SLC8A1: variants seen among roughly 807,000 people sequenced by gnomAD.
SLC8A1 encodes the protein sodium/calcium exchanger 1.
SLC8A1 carries 18 observed loss-of-function variants against 68.3 expected under a neutral mutation model. That is an observed-to-expected ratio of 0.26 (90% CI 0.18 to 0.39). The LOEUF (loss-of-function observed/expected upper bound fraction) is 0.39. SLC8A1 is among the 10% of genes least tolerant of loss of function. SLC8A1 has a pLI of 1.00. For missense variants in SLC8A1, 985 were observed against 1,156.7 expected, an observed-to-expected ratio of 0.85 and a Z score of 2.15; for synonymous variants, 475 against 415.5, an observed-to-expected ratio of 1.14 and a Z score of -1.74.
At chr2:40,284,256 T>C (rs1159798488) in intron 2 of SLC8A1, among the ~76,000 whole-genome samples, 2 of 150,206 alleles carry the variant, frequency 1.3e-5, no homozygotes, top group African/African-American at 4.9e-5. Context: ...TATTTCTCTC[T>C]ATATATAAAT....
chr2:40,204,986 A>T (rs183117172), intron 2 of SLC8A1, among the ~76,000 whole-genome samples: 2 of 152,082 alleles, frequency 1.3e-5, no homozygotes, highest in African/African-American at 4.8e-5. Flanking sequence ...GTTCACACTC[A>T]TAATCTATTT....
At chr2:40,439,086 G>C (rs1327739160) in intron 1 of SLC8A1, among the ~76,000 whole-genome samples, 1 of 152,082 alleles carries the variant, frequency 6.6e-6, no homozygotes, top group South Asian at 2.1e-4. Context: ...TAGTGAATAT[G>C]TGTCCAGGAG....
intron 1 of SLC8A1, among the ~76,000 whole-genome samples, chr2:40,467,605 A>G (rs1703767255): frequency 6.6e-6 from 1 of 152,164 alleles, no homozygotes; most frequent in Non-Finnish European, 1.5e-5. Context: ...TTTCTTAATT[A>G]AAGGTCATAT....
At chr2:40,279,304 A>C (rs2067188582) in intron 2 of SLC8A1, among the ~76,000 whole-genome samples, 1 of 152,222 alleles carries the variant, frequency 6.6e-6, no homozygotes, top group Admixed American at 6.5e-5. Flanking sequence ...TCAAGCAGGC[A>C]CAGGGCACTT....
intron 1 of SLC8A1, among the ~76,000 whole-genome samples, chr2:40,495,668 T>A (rs1705649464): frequency 6.6e-6 from 1 of 152,016 alleles, no homozygotes; most frequent in Admixed American, 6.6e-5. Flanking sequence ...AAGAGGTCAT[T>A]CCAGTGGTTA....
rs1471734455 is a variant in SLC8A1 at position 40,247,432 on chromosome 2, ATATG to A, written c.1809-69581_1809-69578del. Among the ~76,000 whole-genome samples, 13 of 73,050 alleles carry A rather than the reference ATATG, an allele frequency of 1.8e-4. No homozygotes were observed. In the South Asian group the frequency reaches 1.8e-3, roughly 10 times the overall value. The allele number at this position is 73,050 out of a possible 152,430, so 47.9% of individuals were successfully genotyped here. A position where few individuals can be genotyped will look rare whatever the true frequency, so the allele number is the denominator to read the frequency against. ...AAAGCAACTTTAGAAAACAGCATAT[ATATG>A]TGTGTGTGTGTGTGTGTGTGGAGAG... On this transcript the variant is annotated intron_variant, in intron 2 of 7. Coordinates refer to ENST00000406785, the Ensembl canonical transcript of SLC8A1.
chr2:40,321,767 C>T (rs1407120091), intron 2 of SLC8A1, among the ~76,000 whole-genome samples: 1 of 152,062 alleles, frequency 6.6e-6, no homozygotes, highest in African/African-American at 2.4e-5. Context: ...CACTGAGTCC[C>T]TCCCATGACA....
rs377398630 is a variant in SLC8A1, at chr2:40,429,065, C to G, written c.1216G>C (p.Val406Leu). ...CCTTGTTCAAAGAAGATCTTACTAACAGGGTCATTTTCAGTCACTTCAGTG... is the reference window on the plus strand; with the variant it reads ...CCTTGTTCAAAGAAGATCTTACTAAGAGGGTCATTTTCAGTCACTTCAGTG... Residue 406 changes from valine (V) to leucine (L), a missense_variant, in exon 2 of 8, where the codon GTT becomes CTT. Transcript: ENST00000406785. 6.2e-7 allele frequency: 1 copy of G among 1,611,980 alleles called. No homozygotes were observed. The highest frequency in any genetic ancestry group is 8.5e-7 in the Non-Finnish European group (1 of 1,178,264).
chr2:40,322,648 C>T (rs561161615), intron 2 of SLC8A1, among the ~76,000 whole-genome samples: 1 of 151,850 alleles, frequency 6.6e-6, no homozygotes, highest in African/African-American at 2.4e-5. Context: ...TGCATTTCAG[C>T]CTGGGTGACA....
chr2:40,484,589 G>A (rs1039192171), intron 1 of SLC8A1, among the ~76,000 whole-genome samples: 2 of 152,190 alleles, frequency 1.3e-5, no homozygotes, highest in African/African-American at 4.8e-5. Context: ...TGAAATTTGA[G>A]AGGCTGAAAT....
At chr2:40,230,535 C>T (rs539548728) in intron 2 of SLC8A1, among the ~76,000 whole-genome samples, 1 of 152,152 alleles carries the variant, frequency 6.6e-6, no homozygotes, top group South Asian at 2.1e-4. Context: ...CATTCTACAT[C>T]AACTCTTAAT....
intron 2 of SLC8A1, among the ~76,000 whole-genome samples, chr2:40,285,519 C>T (rs1447325163): frequency 6.6e-6 from 1 of 152,122 alleles, no homozygotes; most frequent in Admixed American, 6.6e-5. Context: ...ATCTATGTCA[C>T]CCCACAAATG....
chr2:40,343,613 A>G (rs983989614), intron 2 of SLC8A1, among the ~76,000 whole-genome samples: 7 of 152,198 alleles, frequency 4.6e-5, no homozygotes, highest in Admixed American at 2.0e-4. Context: ...GTGCCATACA[A>G]AATTGTTCCT....
chr2:40,322,107 A>G (rs1429073981), intron 2 of SLC8A1, among the ~76,000 whole-genome samples: 1 of 152,104 alleles, frequency 6.6e-6, no homozygotes, highest in Non-Finnish European at 1.5e-5. Flanking sequence ...TTTTTTACCC[A>G]TATTATACTG....
intron 2 of SLC8A1, among the ~76,000 whole-genome samples, chr2:40,261,985 A>C (rs2064772744): frequency 7.3e-6 from 1 of 137,316 alleles, no homozygotes; most frequent in Non-Finnish European, 1.6e-5. Flanking sequence ...TTTTTTTGAG[A>C]CAGAATCTCA....
At chr2:40,326,422 G>A (rs987363966) in intron 2 of SLC8A1, among the ~76,000 whole-genome samples, 1 of 151,056 alleles carries the variant, frequency 6.6e-6, no homozygotes, top group Non-Finnish European at 1.5e-5. Context: ...TATTTGAAAG[G>A]CTCCAATAAG....
upstream of SLC8A1, among the ~76,000 whole-genome samples, chr2:40,454,634 T>C (rs2149886798): frequency 6.6e-6 from 1 of 152,310 alleles, no homozygotes; most frequent in Non-Finnish European, 1.5e-5. Context: ...TATCTAGAAC[T>C]ATTGGAGAGG....
chr2:40,323,326 A>C (rs2075432553), intron 2 of SLC8A1, among the ~76,000 whole-genome samples: 1 of 152,200 alleles, frequency 6.6e-6, no homozygotes, highest in Admixed American at 6.6e-5. Context: ...TTAAGACTTT[A>C]AGACACTATT....
chr2:40,449,410 C>T (rs529874002), intron 1 of SLC8A1, among the ~76,000 whole-genome samples: 4 of 152,142 alleles, frequency 2.6e-5, no homozygotes, highest in Non-Finnish European at 5.9e-5. Context: ...CTGGCAAAAG[C>T]ATGTTAAACA....
Sources: gnomAD v4.1 joint callset for allele counts (sites outside exome capture counted in the v4.1 genomes callset) on GRCh38, gnomAD v4.1.1 for gene constraint, MANE v1.5 for transcripts, NCBI Gene and HGNC (gene_info 2026-07-23, HGNC 2026-07-21) for gene names.